Variants in NUS1 observed in about 807,000 individuals in gnomAD.
The protein encoded by NUS1 is NUS1 dehydrodolichyl diphosphate synthase subunit, also known as dehydrodolichyl diphosphate synthase complex subunit NUS1.
For missense variants in NUS1, 292 were observed against 382.9 expected (o/e 0.76, Z 1.98); for synonymous variants, 135 against 155.2 (o/e 0.87, Z 0.97).
At chr6:117,681,215 A>G (rs1248116071) in intron 1 of NUS1, among the ~76,000 whole-genome samples, 1 of 152,180 alleles carries the variant, frequency 6.6e-6, no homozygotes, top group African/African-American at 2.4e-5. Context: ...CAGAACTTCA[A>G]ACATCTCTAA....
chr6:117,690,393 C>T (rs772513349), intron 1 of NUS1, among the ~76,000 whole-genome samples: 74 of 152,252 alleles, frequency 4.9e-4, no homozygotes, highest in African/African-American at 1.7e-3. Flanking sequence ...GGCTGTCCCA[C>T]GTTAAGGAGG....
chr6:117,675,499 G>A lies in NUS1; in HGVS notation c.-172G>A, dbSNP rs1772954367. ...ACTGGGGGCGGGGCTGCCAAGGGAGGAGGAAGATGGCGGCGGGGGCGAGGT... is the reference window on the plus strand; with the variant it reads ...ACTGGGGGCGGGGCTGCCAAGGGAGAAGGAAGATGGCGGCGGGGGCGAGGT... On this transcript the variant is annotated 5_prime_UTR_variant, in exon 1 of 5. Transcript: ENST00000368494. 6 of 650,946 alleles carry A rather than the reference G, an allele frequency of 9.2e-6. No individual in the cohort carries two copies. In the South Asian group the frequency reaches 9.3e-5, roughly 10 times the overall value. 40.3% of individuals were successfully genotyped at this position (650,946 alleles called of 1,614,324 possible). A position where few individuals can be genotyped will look rare whatever the true frequency, so the allele number is the denominator to read the frequency against.
rs1242179904 is a variant in NUS1 at position 117,710,672 on chromosome 6, T to C, written c.*3657T>C. The C allele has an allele frequency of 6.6e-6, 1 of 152,198 alleles. No homozygotes were observed. Among genetic ancestry groups the C allele is most frequent in the Admixed American group, 6.5e-5 (1 of 15,278 alleles). 9.4% of individuals were successfully genotyped at this position (152,198 alleles called of 1,614,324 possible). A position where few individuals can be genotyped will look rare whatever the true frequency, so the allele number is the denominator to read the frequency against. On this transcript the variant is annotated 3_prime_UTR_variant, in exon 5 of 5. Coordinates refer to ENST00000368494, the MANE Select transcript of NUS1 (RefSeq NM_138459.5). ...GTCTTGCATTCTCTTTTGTATTTGA[T>C]TATTGTGTCTGGATATAAATTACAA... is the stretch of plus-strand genomic sequence containing the variant.
intron 2 of NUS1, among the ~76,000 whole-genome samples, chr6:117,693,546 T>C (rs1582471276): frequency 6.6e-6 from 1 of 152,332 alleles, no homozygotes; most frequent in East Asian, 1.9e-4. Context: ...TGCAGTGTTA[T>C]CTGAGAATCC....
chr6:117,700,473 T>C (rs1166134472), intron 3 of NUS1, among the ~76,000 whole-genome samples: 1 of 152,056 alleles, frequency 6.6e-6, no homozygotes, highest in Non-Finnish European at 1.5e-5. Flanking sequence ...TCTAAACAGG[T>C]AATAACAAAT....
At chr6:117,704,519 A>G (rs1773473669) in intron 4 of NUS1, among the ~76,000 whole-genome samples, 1 of 152,180 alleles carries the variant, frequency 6.6e-6, no homozygotes, top group Admixed American at 6.5e-5. Context: ...GTAAACAAGC[A>G]TTGTGACCGT....
At chr6:117,688,185 C>T (rs769348674) in intron 1 of NUS1, among the ~76,000 whole-genome samples, 13 of 152,234 alleles carry the variant, frequency 8.5e-5, no homozygotes, top group Non-Finnish European at 1.8e-4. Context: ...AGCCCCACTG[C>T]ACTCAGCCTG....
intron 1 of NUS1, among the ~76,000 whole-genome samples, chr6:117,680,623 A>T (rs761390775): frequency 2.0e-5 from 3 of 152,240 alleles, no homozygotes; most frequent in African/African-American, 7.2e-5. Context: ...GTTTTTATCA[A>T]GCTACCTGTA....
rs1461830514 is a variant in NUS1, at chr6:117,708,732, T to C, written c.*1717T>C. 2 of 152,480 alleles carry C rather than the reference T, an allele frequency of 1.3e-5. No homozygotes were observed. The highest frequency in any genetic ancestry group is 4.8e-5 in the African/African-American group (2 of 41,402). 9.4% of individuals were successfully genotyped at this position (152,480 alleles called of 1,614,324 possible). Reference sequence around the variant, plus strand: ...GAATTTCTGATTCCTTATACTGTGATTATATTATATTGAGGCATTTGTAGT... The same window carrying C: ...GAATTTCTGATTCCTTATACTGTGACTATATTATATTGAGGCATTTGTAGT... On this transcript the variant is annotated 3_prime_UTR_variant, in exon 5 of 5. Coordinates refer to ENST00000368494, the MANE Select transcript of NUS1 (RefSeq NM_138459.5).
At chr6:117,703,767 T>C in intron 4 of NUS1, 63 bp downstream of exon 4, 2 of 1,102,598 alleles carry the variant, frequency 1.8e-6, no homozygotes, top group Non-Finnish European at 1.4e-6. Context: ...AGTTCAGCAC[T>C]GTACTAGATC....
At chr6:117,702,117 A>G (rs1427852101) in intron 3 of NUS1, among the ~76,000 whole-genome samples, 1 of 152,160 alleles carries the variant, frequency 6.6e-6, no homozygotes, top group African/African-American at 2.4e-5. Context: ...GTGAGAGTTT[A>G]TCTGAGCCCT....
chr6:117,685,771 A>G (rs1235482150), intron 1 of NUS1, among the ~76,000 whole-genome samples: 3 of 152,218 alleles, frequency 2.0e-5, no homozygotes, highest in Non-Finnish European at 4.4e-5. Context: ...TATTGCAAAA[A>G]CTTATTTTAG....
In NUS1 at chr6:117,706,982, A is replaced by G. The variant is rs550676; in HGVS notation, c.849A>G (p.Gln283=). The G allele has an allele frequency of 8.8e-3, 14,231 of 1,612,728 alleles. 1,064 individuals carry two copies. In the African/African-American group the frequency reaches 0.16, roughly 19 times the overall value. The change falls in exon 5 of 5, where the codon CAA becomes CAG. Residue 283 remains glutamine, a synonymous_variant. Coordinates refer to ENST00000368494, the MANE Select transcript of NUS1 (RefSeq NM_138459.5). ...SYEDFFSALR[Q]YAACEQRLGK is the part of the protein sequence containing the mutation. ...AGGACTTTTTCTCTGCCCTTCGTCA[A>G]TATGCAGCCTGTGAACAGCGTCTGG...
intron 3 of NUS1, among the ~76,000 whole-genome samples, chr6:117,701,372 G>A (rs550927943): frequency 1.3e-5 from 2 of 151,484 alleles, no homozygotes; most frequent in African/African-American, 4.9e-5. Context: ...AGCCTCCCGA[G>A]TAGCTGGGAC....
intron 1 of NUS1, among the ~76,000 whole-genome samples, chr6:117,689,163 C>G (rs1360694499): frequency 1.3e-5 from 2 of 152,070 alleles, no homozygotes; most frequent in African/African-American, 4.8e-5. Flanking sequence ...GAGAAGGAAG[C>G]ATGGTGGTCA....
At chr6:117,693,636 C>T (rs1773275635) in intron 2 of NUS1, among the ~76,000 whole-genome samples, 1 of 151,292 alleles carries the variant, frequency 6.6e-6, no homozygotes, top group Non-Finnish European at 1.5e-5. Flanking sequence ...TCCACTCTAA[C>T]AGTTTTTTCT....
chr6:117,701,855 T>TTATTTAA (rs927809594), intron 3 of NUS1, among the ~76,000 whole-genome samples: 1 of 149,724 alleles, frequency 6.7e-6, no homozygotes, highest in Non-Finnish European at 1.5e-5. Context: ...AGGTTTTTTT[T>TTATTTAA]TATTTAATTT....
intron 3 of NUS1, among the ~76,000 whole-genome samples, chr6:117,703,351 C>G (rs546576723): frequency 6.6e-6 from 1 of 152,232 alleles, no homozygotes; most frequent in Admixed American, 6.5e-5. Flanking sequence ...GTTACCCTTT[C>G]TTATCAGGTA....
At chr6:117,704,468 A>T (rs189756086) in intron 4 of NUS1, among the ~76,000 whole-genome samples, 2 of 152,188 alleles carry the variant, frequency 1.3e-5, no homozygotes, top group Non-Finnish European at 2.9e-5. Context: ...TATTGCATCT[A>T]TGCAACTCTG....
Sources: gnomAD v4.1 joint callset for allele counts (sites outside exome capture counted in the v4.1 genomes callset) on GRCh38, gnomAD v4.1.1 for gene constraint, MANE v1.5 for transcripts, NCBI Gene and HGNC (gene_info 2026-07-23, HGNC 2026-07-21) for gene names.